The following CHD1L variants were observed in gnomAD, a reference collection of about 807,000 sequenced individuals.
The protein encoded by CHD1L is ATP-dependent chromatin remodeler CHD1L.
CHD1L carries 118 observed loss-of-function variants against 115.9 expected under a neutral mutation model. The ratio of observed to expected loss-of-function variants is 1.02; its 90% confidence interval spans 0.88 to 1.19. CHD1L has a LOEUF of 1.19. Ranked by LOEUF, CHD1L falls within the 50% of genes most tolerant of loss-of-function variation. CHD1L has a pLI of 0.00. For synonymous variants in CHD1L, 411 were observed against 387.1 expected, an observed-to-expected ratio of 1.06 and a Z score of -0.72; for missense variants, 1,179 against 1,065.3, an observed-to-expected ratio of 1.11 and a Z score of -1.49.
At chr1:147,188,093 T>G in the CHD1L span, among the ~76,000 whole-genome samples, 1 of 152,134 alleles carries the variant, frequency 6.6e-6, no homozygotes, top group Non-Finnish European at 1.5e-5. Context: ...TAGGAATTTA[T>G]TGAAATGGGA....
chr1:147,206,179 C>T, the CHD1L span, among the ~76,000 whole-genome samples: 6 of 150,642 alleles, frequency 4.0e-5, no homozygotes, highest in African/African-American at 9.9e-5. Context: ...CTCATCATCA[C>T]TGGCCATCAG....
the CHD1L span, among the ~76,000 whole-genome samples, chr1:147,205,252 C>T: frequency 6.6e-6 from 1 of 152,170 alleles, no homozygotes; most frequent in Non-Finnish European, 1.5e-5. Context: ...TTAGGAAACA[C>T]AGTTTCCAAA....
chr1:147,261,628 G>C (rs1553944199), intron 6 of CHD1L, among the ~76,000 whole-genome samples: 1 of 152,114 alleles, frequency 6.6e-6, no homozygotes, highest in Non-Finnish European at 1.5e-5. Context: ...AACGGGAGGA[G>C]AGAAGCAGGC....
At chr1:147,280,593 A>G (rs1039189319) in intron 15 of CHD1L, among the ~76,000 whole-genome samples, 1 of 152,196 alleles carries the variant, frequency 6.6e-6, no homozygotes, top group South Asian at 2.1e-4. Context: ...TGCAGCTAAC[A>G]TTAAGCATTT....
chr1:147,289,689 G>A (rs1572186467), intron 19 of CHD1L, among the ~76,000 whole-genome samples: 1 of 152,308 alleles, frequency 6.6e-6, no homozygotes, highest in East Asian at 1.9e-4. Context: ...TAGGTGGAGA[G>A]AAATGGCAAG....
chr1:147,208,914 A>G, the CHD1L span: 1 of 1,614,042 alleles, frequency 6.2e-7, no homozygotes, highest in Non-Finnish European at 8.5e-7. Context: ...TTTTTTCCAA[A>G]TATTTGTTTG....
At position 147,286,290 on chromosome 1, in the gene CHD1L, T is replaced by A. The variant is rs1193908234; in HGVS notation, c.2019-8T>A. On this transcript the variant is annotated splice_polypyrimidine_tract_variant and splice_region_variant and intron_variant, in intron 17 of 22. Transcript: ENST00000369258. ...GGTTAATTTCCTTTTGTCTCTGGCC[T>A]GCTAAAGGATGGCCTGGTGGGAATC... 1.4e-5 allele frequency: 23 copies of A among 1,612,906 alleles called. No homozygotes were observed. In the East Asian group the frequency reaches 5.1e-4, roughly 36 times the overall value.
chr1:147,285,430 G>A lies in CHD1L; in HGVS notation c.1961G>A (p.Arg654Lys). Residue 654 changes from arginine (R) to lysine (K), a missense_variant, in exon 17 of 23, where the codon AGA becomes AAA. Physicochemically the swap from Arg to Lys is conservative, Grantham distance 26. Coordinates refer to ENST00000369258, the MANE Select transcript of CHD1L (RefSeq NM_004284.6). ...QKKRQEAAAK[R>K]RRLIEEKKRQ... ...AAAAGACAAGAAGCAGCTGCCAAGA[G>A]AAGGAGACTCATAGAGGAGAAGAAG... The A allele has an allele frequency of 6.2e-7, 1 of 1,614,044 alleles. No individual in the cohort carries two copies. The highest frequency in any genetic ancestry group is 1.3e-5 in the African/African-American group (1 of 75,030).
Position 147,275,967 on chromosome 1 carries a change from A to C in CHD1L, c.1386-137A>C. On this transcript the variant is annotated intron_variant, in intron 13 of 22. Transcript: ENST00000369258. ...TCTCTCTAACAAGTGCTCAGGACCA[A>C]ATGAACCAATCTCCCTTTCATTGTA... 4 of 838,024 alleles carry C rather than the reference A, an allele frequency of 4.8e-6. No homozygotes were observed. The South Asian group carries it at 7.3e-5, about 15-fold the overall frequency. The allele number at this position is 838,024 out of a possible 1,614,324, so 51.9% of individuals were successfully genotyped here. A position where few individuals can be genotyped will look rare whatever the true frequency, so the allele number is the denominator to read the frequency against.
Position 147,276,472 on chromosome 1 carries a change from C to T in CHD1L, c.1539+215C>T, listed in dbSNP as rs1443373166. Among the ~76,000 whole-genome samples the T allele has an allele frequency of 3.9e-5, 6 of 152,074 alleles. No homozygotes were observed. In the South Asian group the frequency reaches 6.2e-4, roughly 16 times the overall value. ...CACTTCTTGGCTGTTTGGGTTTGAG[C>T]GGCTTTCTTAACTTCTTAGATCTAC... On this transcript the variant is annotated intron_variant, in intron 14 of 22. Coordinates refer to ENST00000369258, the MANE Select transcript of CHD1L (RefSeq NM_004284.6).
At chr1:147,195,352 C>T in the CHD1L span, among the ~76,000 whole-genome samples, 7 of 152,028 alleles carry the variant, frequency 4.6e-5, no homozygotes, top group African/African-American at 1.7e-4. Context: ...AGGCTGGTCT[C>T]GAACTCCTGA....
rs1553941739 is a variant in CHD1L at position 147,258,386 on chromosome 1, A to C, written c.495-1451A>C. On this transcript the variant is annotated intron_variant, in intron 5 of 22. Transcript: ENST00000369258. Reference sequence around the variant, plus strand: ...TGAACAAGCATTTTTTGGACACCTAAATGTCTAGTTCTTCACAAGGGAATA... The same window carrying C: ...TGAACAAGCATTTTTTGGACACCTACATGTCTAGTTCTTCACAAGGGAATA... 2.0e-5 allele frequency among the ~76,000 whole-genome samples: 3 copies of C among 152,236 alleles called. No homozygotes were observed. The East Asian group carries it at 5.8e-4, about 29-fold the overall frequency.
At chr1:147,284,964 A>G (rs1553964434) in intron 16 of CHD1L, among the ~76,000 whole-genome samples, 1 of 152,222 alleles carries the variant, frequency 6.6e-6, no homozygotes, top group Non-Finnish European at 1.5e-5. Context: ...TACATTGCAG[A>G]AAGAGTTCCA....
At chr1:147,263,214 A>C (rs182777837) in intron 6 of CHD1L, among the ~76,000 whole-genome samples, 1,830 of 151,948 alleles carry the variant, frequency 0.012, 30 homozygotes, top group Non-Finnish European at 0.014. Context: ...GATCACTTGA[A>C]CCCAGGAGTT....
At chr1:147,275,313 C>CT in intron 12 of CHD1L, 41 bp from the exon 13 acceptor site, 2 of 1,461,550 alleles carry the variant, frequency 1.4e-6, no homozygotes, top group Non-Finnish European at 1.9e-6. Context: ...AGCTCCTCGT[C>CT]TTTGTGCTGC....
At chr1:147,286,215 T>C in intron 17 of CHD1L, 83 bp from the exon 18 acceptor site, 1 of 1,304,968 alleles carries the variant, frequency 7.7e-7, no homozygotes, top group Non-Finnish European at 1.1e-6. Flanking sequence ...GCAGATATTG[T>C]TTGTGAACAG....
chr1:147,185,197 A>T, the CHD1L span, among the ~76,000 whole-genome samples: 1 of 151,978 alleles, frequency 6.6e-6, no homozygotes, highest in Admixed American at 6.6e-5. Flanking sequence ...AACCTTGCAT[A>T]TAATATGTAC....
chr1:147,287,776 G>C, intron 19 of CHD1L, 43 bp downstream of exon 19: 2 of 1,534,390 alleles, frequency 1.3e-6, no homozygotes, highest in Non-Finnish European at 1.8e-6. Flanking sequence ...TGGAATAAGA[G>C]AGAAGAGGAC....
chr1:147,246,911 C>G (rs921769589), intron 1 of CHD1L, among the ~76,000 whole-genome samples: 9 of 152,154 alleles, frequency 5.9e-5, no homozygotes, highest in Non-Finnish European at 1.3e-4. Flanking sequence ...AACTCATTGG[C>G]TATTCCCAGA....
Sources: allele counts gnomAD v4.1 joint callset (sites outside exome capture counted in the v4.1 genomes callset), GRCh38; gene constraint gnomAD v4.1.1; transcripts MANE v1.5; gene names NCBI Gene and HGNC (gene_info 2026-07-23, HGNC 2026-07-21).